Variants in CSMD1 observed in about 807,000 individuals in gnomAD.
CSMD1 encodes CUB and Sushi multiple domains 1.
A neutral mutation model predicts 417.5 loss-of-function variants in CSMD1; 213 were observed. That is an observed-to-expected ratio of 0.51 (90% CI 0.46 to 0.57). CSMD1 has a LOEUF of 0.57. Among genes scored for constraint, CSMD1 ranks in the 20% least tolerant of loss-of-function variants. CSMD1 has a pLI of 0.00. For missense variants in CSMD1, 6,923 were observed against 4,529.7 expected (o/e 1.53, Z -15.17); for synonymous variants, 2,862 against 1,736.8 (o/e 1.65, Z -16.11).
chr8:4,845,737 C>T (rs189046433), intron 1 of CSMD1, among the ~76,000 whole-genome samples: 1 of 152,282 alleles, frequency 6.6e-6, no homozygotes, highest in African/African-American at 2.4e-5. Flanking sequence ...AGAGGGAGCA[C>T]TGGCCGGTGC....
intron 3 of CSMD1, among the ~76,000 whole-genome samples, chr8:4,320,566 T>A (rs776952717): frequency 6.6e-6 from 1 of 152,088 alleles, no homozygotes; most frequent in Non-Finnish European, 1.5e-5. Context: ...TGTCCATGTG[T>A]TCTCTTTGTT....
At chr8:3,532,663 T>A (rs1798031263) in intron 10 of CSMD1, among the ~76,000 whole-genome samples, 1 of 152,166 alleles carries the variant, frequency 6.6e-6, no homozygotes, top group African/African-American at 2.4e-5. Flanking sequence ...TGATCTGCAA[T>A]TATAATTATA....
intron 68 of CSMD1, among the ~76,000 whole-genome samples, 170 bp downstream of exon 68, chr8:2,949,129 T>C (rs1802446326): frequency 6.7e-6 from 1 of 150,090 alleles, no homozygotes; most frequent in South Asian, 2.1e-4. Context: ...TGTGTTTGTG[T>C]ATTTTGCTAT....
At chr8:4,310,940 A>C (rs1382658980) in intron 3 of CSMD1, among the ~76,000 whole-genome samples, 2 of 152,202 alleles carry the variant, frequency 1.3e-5, no homozygotes, top group African/African-American at 4.8e-5. Context: ...TGCAAATCAA[A>C]ACCTCAGTGA....
intron 3 of CSMD1, 86 bp downstream of exon 3, chr8:4,419,867 C>T: frequency 1.1e-6 from 1 of 923,998 alleles, no homozygotes; most frequent in East Asian, 2.7e-5. Context: ...GACATAGCAG[C>T]CTAGTTTGTC....
chr8:4,986,228 G>A (rs556111630), intron 1 of CSMD1, among the ~76,000 whole-genome samples: 24 of 152,226 alleles, frequency 1.6e-4, no homozygotes, highest in African/African-American at 3.6e-4. Context: ...TCAGAGCGCC[G>A]CCAGGAAAGA....
chr8:4,936,404 A>G (rs1807621717), intron 1 of CSMD1, among the ~76,000 whole-genome samples: 2 of 152,220 alleles, frequency 1.3e-5, no homozygotes, highest in African/African-American at 4.8e-5. Flanking sequence ...AAAATTGAAG[A>G]TGTACTCAAA....
intron 1 of CSMD1, among the ~76,000 whole-genome samples, chr8:4,710,419 T>C (rs1394523104): frequency 2.0e-5 from 3 of 147,846 alleles, no homozygotes; most frequent in South Asian, 4.2e-4. Context: ...TTTATAAATA[T>C]ATTTAATACA....
At chr8:3,606,723 T>C (rs1801633879) in intron 8 of CSMD1, among the ~76,000 whole-genome samples, 1 of 152,028 alleles carries the variant, frequency 6.6e-6, no homozygotes, top group African/African-American at 2.4e-5. Context: ...ATTTTTTTTT[T>C]TTTTTTGAGA....
At chr8:3,057,268 A>G (rs1411838182) in intron 49 of CSMD1, among the ~76,000 whole-genome samples, 2 of 152,224 alleles carry the variant, frequency 1.3e-5, no homozygotes, top group African/African-American at 2.4e-5. Flanking sequence ...ATTTTCCTCA[A>G]TTTGAATTGT....
intron 1 of CSMD1, among the ~76,000 whole-genome samples, chr8:4,766,027 C>A (rs1812439610): frequency 6.6e-6 from 1 of 151,944 alleles, no homozygotes; most frequent in African/African-American, 2.4e-5. Flanking sequence ...ATTTTTTAAT[C>A]TTTACATAAA....
At chr8:4,482,818 G>A (rs955571765) in intron 2 of CSMD1, among the ~76,000 whole-genome samples, 1 of 152,094 alleles carries the variant, frequency 6.6e-6, no homozygotes, top group African/African-American at 2.4e-5. Flanking sequence ...TCTCATTAAA[G>A]AAATGCAAAT....
chr8:4,257,176 T>C (rs1391178099), intron 3 of CSMD1, among the ~76,000 whole-genome samples: 5 of 137,580 alleles, frequency 3.6e-5, no homozygotes, highest in Non-Finnish European at 6.2e-5. Context: ...CCTTGAGTTA[T>C]AAATTATGGT....
At chr8:4,942,631 C>G (rs1808086283) in intron 1 of CSMD1, among the ~76,000 whole-genome samples, 1 of 152,172 alleles carries the variant, frequency 6.6e-6, no homozygotes, top group South Asian at 2.1e-4. Context: ...GATCTTGCCA[C>G]TTTTCACCAT....
At chr8:3,741,239 A>G (rs962306050) in intron 6 of CSMD1, among the ~76,000 whole-genome samples, 4 of 150,530 alleles carry the variant, frequency 2.7e-5, no homozygotes, top group Non-Finnish European at 5.9e-5. Flanking sequence ...AAAAAAAAAA[A>G]AACATACAGA....
intron 7 of CSMD1, among the ~76,000 whole-genome samples, chr8:3,684,178 G>C (rs866831933): frequency 7.8e-6 from 1 of 128,224 alleles, no homozygotes; most frequent in Non-Finnish European, 1.6e-5. Flanking sequence ...ATATTTACAT[G>C]TTACATGTAA....
At chr8:3,657,023 T>A (rs952877807) in intron 7 of CSMD1, among the ~76,000 whole-genome samples, 1 of 151,218 alleles carries the variant, frequency 6.6e-6, no homozygotes, top group East Asian at 1.9e-4. Context: ...CAATGAGACA[T>A]ACAGGAAAGT....
At chr8:3,301,370 C>T (rs1212967989) in intron 25 of CSMD1, among the ~76,000 whole-genome samples, 1 of 151,908 alleles carries the variant, frequency 6.6e-6, no homozygotes, top group Non-Finnish European at 1.5e-5. Flanking sequence ...ATGAAGCTCA[C>T]AGAAGTGTGG....
intron 3 of CSMD1, among the ~76,000 whole-genome samples, chr8:4,147,558 C>T (rs747273272): frequency 5.3e-5 from 8 of 152,104 alleles, no homozygotes; most frequent in Non-Finnish European, 1.0e-4. Context: ...CATGTATAAA[C>T]CTGTTTCTGG....
Sources: allele counts gnomAD v4.1 joint callset (sites outside exome capture counted in the v4.1 genomes callset), GRCh38; gene constraint gnomAD v4.1.1; transcripts MANE v1.5; gene names NCBI Gene and HGNC (gene_info 2026-07-23, HGNC 2026-07-21).